The following AOAH variants were observed in gnomAD, a reference collection of about 807,000 sequenced individuals.
The protein encoded by AOAH is acyloxyacyl hydrolase.
A neutral mutation model predicts 92.2 loss-of-function variants in AOAH; 64 were observed. The ratio of observed to expected loss-of-function variants is 0.69; its 90% CI spans 0.57 to 0.86. AOAH has a LOEUF of 0.86. Among genes scored for constraint, AOAH ranks in the 40% least tolerant of loss-of-function variants. The pLI is 0.00. For missense variants in AOAH, 656 were observed against 694.6 expected, an observed-to-expected ratio of 0.94 and a Z score of 0.62; for synonymous variants, 263 against 254.5, an observed-to-expected ratio of 1.03 and a Z score of -0.32.
chr7:36,581,197 TCTG>T (rs1439260786), intron 12 of AOAH, among the ~76,000 whole-genome samples: 1 of 152,198 alleles, frequency 6.6e-6, no homozygotes, highest in East Asian at 1.9e-4. Context: ...TTCTGGGGCT[TCTG>T]CAGTGTGAAC....
At chr7:36,632,529 T>C (rs1397341174) in intron 5 of AOAH, among the ~76,000 whole-genome samples, 2 of 152,206 alleles carry the variant, frequency 1.3e-5, no homozygotes, top group Non-Finnish European at 1.5e-5. Flanking sequence ...GGAAGGTCCC[T>C]TCCCCCACAG....
intron 11 of AOAH, among the ~76,000 whole-genome samples, chr7:36,597,160 A>G (rs1171971462): frequency 6.6e-6 from 1 of 152,148 alleles, no homozygotes; most frequent in Non-Finnish European, 1.5e-5. Flanking sequence ...TGTATTAATG[A>G]TGATTTATCC....
At chr7:36,677,978 G>T (rs1796359953) in intron 2 of AOAH, among the ~76,000 whole-genome samples, 1 of 152,114 alleles carries the variant, frequency 6.6e-6, no homozygotes. Flanking sequence ...ATGCTAAAAG[G>T]CATGTAGTTT....
chr7:36,573,754 G>A (rs1788302574), intron 13 of AOAH, among the ~76,000 whole-genome samples: 1 of 152,074 alleles, frequency 6.6e-6, no homozygotes, highest in Admixed American at 6.6e-5. Flanking sequence ...CACTGACTGG[G>A]GTTCATGACA....
chr7:36,615,997 C>T (rs938407466), intron 11 of AOAH, among the ~76,000 whole-genome samples: 4 of 152,164 alleles, frequency 2.6e-5, no homozygotes, highest in African/African-American at 7.2e-5. Flanking sequence ...CCATCAGGAG[C>T]CGAGCAGCCT....
chr7:36,685,771 T>A (rs1796962653), intron 2 of AOAH, among the ~76,000 whole-genome samples: 1 of 152,204 alleles, frequency 6.6e-6, no homozygotes, highest in African/African-American at 2.4e-5. Flanking sequence ...TATTTTAAAA[T>A]CTTAATGGTC....
intron 1 of AOAH, among the ~76,000 whole-genome samples, chr7:36,687,930 CGA>C (rs1368075497): frequency 9.9e-5 from 15 of 152,156 alleles, no homozygotes; most frequent in African/African-American, 3.4e-4. Flanking sequence ...AGTGAAGAAA[CGA>C]GAGTCTTCTA....
At chr7:36,647,204 A>G (rs531672634) in intron 4 of AOAH, among the ~76,000 whole-genome samples, 1 of 152,320 alleles carries the variant, frequency 6.6e-6, no homozygotes, top group East Asian at 1.9e-4. Context: ...TAAGTGCTGG[A>G]AAAATGGAGT....
At chr7:36,687,182 A>C (rs1797086274) in intron 1 of AOAH, among the ~76,000 whole-genome samples, 1 of 152,140 alleles carries the variant, frequency 6.6e-6, no homozygotes, top group South Asian at 2.1e-4. Flanking sequence ...CTGACTTAGT[A>C]ATCTTGAACT....
In AOAH at chr7:36,513,006, T is replaced by G; in HGVS notation, c.*246A>C. ...GGCACAGATACTCTCTTGTTTGGAA[T>G]GGCACCCAAAGCACTTTATGAAAGG... On this transcript the variant is annotated 3_prime_UTR_variant, in exon 21 of 21. Transcript: ENST00000617537. The G allele has an allele frequency of 6.6e-7, 1 of 1,506,270 alleles. No individual in the cohort carries two copies. Among genetic ancestry groups the G allele is most frequent in the South Asian group, 1.2e-5 (1 of 82,340 alleles). The allele number at this position is 1,506,270 out of a possible 1,614,324, so 93.3% of individuals were successfully genotyped here.
At chr7:36,534,042 G>T (rs1174736121) in intron 16 of AOAH, among the ~76,000 whole-genome samples, 1 of 151,950 alleles carries the variant, frequency 6.6e-6, no homozygotes, top group African/African-American at 2.4e-5. Flanking sequence ...TCTGCAGCCT[G>T]ACAGGAGGTG....
At chr7:36,514,481 C>G in intron 20 of AOAH, 1 of 1,535,260 alleles carries the variant, frequency 6.5e-7, no homozygotes, top group Admixed American at 2.0e-5. Flanking sequence ...CTCTCTGGTT[C>G]TGCTGTCGCA....
At chr7:36,692,923 T>C (rs1797499360) in intron 1 of AOAH, among the ~76,000 whole-genome samples, 1 of 152,100 alleles carries the variant, frequency 6.6e-6, no homozygotes, top group South Asian at 2.1e-4. Context: ...AGCTGAGTCT[T>C]AAGGGATAGG....
At chr7:36,603,846 A>G (rs969760483) in intron 11 of AOAH, among the ~76,000 whole-genome samples, 1 of 152,234 alleles carries the variant, frequency 6.6e-6, no homozygotes, top group East Asian at 1.9e-4. Context: ...TAAAATACAT[A>G]TAATAGCAGA....
intron 16 of AOAH, among the ~76,000 whole-genome samples, chr7:36,533,403 T>G (rs1784813465): frequency 6.6e-6 from 1 of 152,142 alleles, no homozygotes; most frequent in African/African-American, 2.4e-5. Flanking sequence ...GAAGATAGAT[T>G]CAATTTTCTT....
chr7:36,603,835 A>G (rs1243141251), intron 11 of AOAH, among the ~76,000 whole-genome samples: 2 of 152,358 alleles, frequency 1.3e-5, no homozygotes, highest in African/African-American at 2.4e-5. Flanking sequence ...TTCTTTATCT[A>G]TAAAATACAT....
chr7:36,643,962 ACTT>A (rs1159557197), intron 4 of AOAH, among the ~76,000 whole-genome samples: 1 of 152,122 alleles, frequency 6.6e-6, no homozygotes, highest in Non-Finnish European at 1.5e-5. Flanking sequence ...AGCCAATTAA[ACTT>A]CTTTTCTCTA....
chr7:36,581,949 GC>G (rs1236047346), intron 12 of AOAH, among the ~76,000 whole-genome samples: 1 of 152,132 alleles, frequency 6.6e-6, no homozygotes, highest in African/African-American at 2.4e-5. Flanking sequence ...CTCAAGGAGT[GC>G]TCAGAAATCC....
At chr7:36,639,853 C>T (rs968704239) in intron 4 of AOAH, among the ~76,000 whole-genome samples, 8 of 152,292 alleles carry the variant, frequency 5.3e-5, no homozygotes, top group Middle Eastern at 6.8e-3. Flanking sequence ...GGACTGACCT[C>T]GAGCAAGTAC....
Sources: allele counts gnomAD v4.1 joint callset (sites outside exome capture counted in the v4.1 genomes callset), GRCh38; gene constraint gnomAD v4.1.1; transcripts MANE v1.5; gene names NCBI Gene and HGNC (gene_info 2026-07-23, HGNC 2026-07-21).